DLG2: variants seen among roughly 807,000 people sequenced by gnomAD.
DLG2 encodes discs large MAGUK scaffold protein 2.
Under a neutral mutation model 132.5 loss-of-function variants are expected in DLG2, and 45 were observed. The observed-to-expected ratio is 0.34, with a 90% confidence interval of 0.27 to 0.44. The LOEUF (loss-of-function observed/expected upper bound fraction) is 0.44. Ranked by LOEUF, DLG2 falls within the 20% of genes least tolerant of loss-of-function variation. The pLI is 1.00. For synonymous variants in DLG2, 424 were observed against 419.6 expected, an observed-to-expected ratio of 1.01 and a Z score of -0.13; for missense variants, 1,045 against 1,196.9, an observed-to-expected ratio of 0.87 and a Z score of 1.87.
chr11:84,807,723 G>A (rs1224874766), intron 6 of DLG2, among the ~76,000 whole-genome samples: 3 of 152,070 alleles, frequency 2.0e-5, no homozygotes, highest in Non-Finnish European at 4.4e-5. Context: ...ACCAGATAAA[G>A]TATACTTCAG....
intron 6 of DLG2, among the ~76,000 whole-genome samples, chr11:85,041,414 T>C (rs2061855516): frequency 6.6e-6 from 1 of 151,970 alleles, no homozygotes; most frequent in Non-Finnish European, 1.5e-5. Context: ...GCATGGTACT[T>C]TGACTCTTAA....
At chr11:83,990,989 A>G (rs2093677030) in intron 11 of DLG2, among the ~76,000 whole-genome samples, 1 of 152,158 alleles carries the variant, frequency 6.6e-6, no homozygotes. Context: ...CTAAAAAACA[A>G]CAAAAAAACC....
At chr11:84,517,437 AC>A (rs2099277204) in intron 7 of DLG2, among the ~76,000 whole-genome samples, 1 of 151,982 alleles carries the variant, frequency 6.6e-6, no homozygotes, top group Non-Finnish European at 1.5e-5. Context: ...AAGTAAAAAA[AC>A]AATGAGATAT....
chr11:85,087,843 T>TCAAAAAAAAAAAAAAAAAAAAA (rs2068167217), intron 6 of DLG2, among the ~76,000 whole-genome samples: 1 of 21,510 alleles, frequency 4.6e-5, no homozygotes, highest in African/African-American at 2.3e-4. Flanking sequence ...AGACTCCGTC[T>TCAAAAAAAAAAAAAAAAAAAAA]CAAAAAAAAA....
At chr11:85,381,319 C>T (rs907417105) in intron 3 of DLG2, among the ~76,000 whole-genome samples, 9 of 152,120 alleles carry the variant, frequency 5.9e-5, no homozygotes, top group Non-Finnish European at 1.2e-4. Flanking sequence ...GGTTCAAATG[C>T]ATCAGTCTGT....
At chr11:85,526,894 T>C (rs1435055858) in intron 3 of DLG2, among the ~76,000 whole-genome samples, 1 of 152,172 alleles carries the variant, frequency 6.6e-6, no homozygotes, top group Non-Finnish European at 1.5e-5. Flanking sequence ...TATAATAATA[T>C]TCATTGACTC....
At chr11:84,806,944 G>A (rs2076064234) in intron 6 of DLG2, among the ~76,000 whole-genome samples, 1 of 151,966 alleles carries the variant, frequency 6.6e-6, no homozygotes, top group Non-Finnish European at 1.5e-5. Flanking sequence ...CACTCAAACT[G>A]GTAGAAAGAC....
intron 18 of DLG2, among the ~76,000 whole-genome samples, chr11:83,742,354 G>GT (rs764719889): frequency 5.3e-5 from 8 of 151,438 alleles, no homozygotes; most frequent in Non-Finnish European, 1.0e-4. Context: ...AATATATATA[G>GT]TTTTTTTAAA....
chr11:84,948,711 C>T (rs2050540406), intron 6 of DLG2, among the ~76,000 whole-genome samples: 1 of 152,190 alleles, frequency 6.6e-6, no homozygotes, highest in South Asian at 2.1e-4. Flanking sequence ...ATAAACCTAA[C>T]CTGGATCTTG....
At chr11:83,620,762 T>C (rs958920532) in intron 19 of DLG2, among the ~76,000 whole-genome samples, 5 of 143,176 alleles carry the variant, frequency 3.5e-5, no homozygotes, top group East Asian at 2.1e-4. Flanking sequence ...CCCAGCTACT[T>C]GGGAGGCTGA....
intron 11 of DLG2, among the ~76,000 whole-genome samples, chr11:83,987,321 T>G (rs1179156673): frequency 6.6e-6 from 1 of 152,120 alleles, no homozygotes; most frequent in South Asian, 2.1e-4. Context: ...ACCAATGACT[T>G]TCTTCACAGA....
intron 6 of DLG2, among the ~76,000 whole-genome samples, chr11:84,549,561 A>G (rs1016246941): frequency 1.3e-5 from 2 of 152,172 alleles, no homozygotes; most frequent in Non-Finnish European, 2.9e-5. Flanking sequence ...CTGTTCCTGC[A>G]CCAACCAGCA....
At chr11:85,058,153 A>G (rs1167871768) in intron 6 of DLG2, among the ~76,000 whole-genome samples, 1 of 151,520 alleles carries the variant, frequency 6.6e-6, no homozygotes, top group Non-Finnish European at 1.5e-5. Context: ...AGTAAATCCA[A>G]AAGAATCTAT....
intron 9 of DLG2, among the ~76,000 whole-genome samples, chr11:84,157,229 T>C (rs532617651): frequency 6.6e-5 from 10 of 152,206 alleles, no homozygotes; most frequent in Non-Finnish European, 1.0e-4. Flanking sequence ...CAATCATCAC[T>C]GTATATTTTG....
intron 6 of DLG2, among the ~76,000 whole-genome samples, chr11:84,647,249 G>C (rs983876996): frequency 6.6e-6 from 1 of 152,166 alleles, no homozygotes; most frequent in African/African-American, 2.4e-5. Context: ...AACAGTGGGA[G>C]AGAAGGTTTT....
chr11:84,143,947 T>A (rs565107763), intron 9 of DLG2, among the ~76,000 whole-genome samples: 2 of 152,142 alleles, frequency 1.3e-5, no homozygotes, highest in East Asian at 1.9e-4. Flanking sequence ...AAGCACAAAG[T>A]CTTGATGAAG....
At chr11:83,971,321 G>C (rs1246071832) in intron 12 of DLG2, among the ~76,000 whole-genome samples, 1 of 152,030 alleles carries the variant, frequency 6.6e-6, no homozygotes, top group African/African-American at 2.4e-5. Flanking sequence ...AGAGAGGCTG[G>C]AGGTGAGATG....
chr11:85,598,021 A>G (rs1183188374), intron 3 of DLG2, among the ~76,000 whole-genome samples: 1 of 151,804 alleles, frequency 6.6e-6, no homozygotes, highest in African/African-American at 2.4e-5. Flanking sequence ...AAAAAAATAT[A>G]TAAATAAACC....
chr11:85,515,483 A>C (rs2153166601), intron 3 of DLG2, among the ~76,000 whole-genome samples: 1 of 152,070 alleles, frequency 6.6e-6, no homozygotes, highest in Non-Finnish European at 1.5e-5. Flanking sequence ...TAAACCTCTT[A>C]GTCTTAAGAC....
Sources: allele counts gnomAD v4.1 joint callset (sites outside exome capture counted in the v4.1 genomes callset), GRCh38; gene constraint gnomAD v4.1.1; transcripts MANE v1.5; gene names NCBI Gene and HGNC (gene_info 2026-07-23, HGNC 2026-07-21).